CACNA1D: variants seen among roughly 807,000 people sequenced by gnomAD.
CACNA1D encodes voltage-dependent L-type calcium channel subunit alpha-1D.
In CACNA1D, 55 loss-of-function variants were observed where a neutral mutation model predicts 257.1. The ratio of observed to expected loss-of-function variants is 0.21; its 90% CI spans 0.17 to 0.27. The LOEUF (loss-of-function observed/expected upper bound fraction) is 0.27, where lower values mean the gene tolerates loss of function less well. CACNA1D is among the 10% of genes least tolerant of loss of function. The pLI is 1.00. For missense variants in CACNA1D, 1,876 were observed against 2,784.0 expected (o/e 0.67, Z 7.34); for synonymous variants, 980 against 1,014.9 (o/e 0.97, Z 0.65).
chr3:53,796,590 A>T (rs1469462556), intron 40 of CACNA1D, among the ~76,000 whole-genome samples: 4 of 152,224 alleles, frequency 2.6e-5, no homozygotes, highest in African/African-American at 9.6e-5. Flanking sequence ...GGGTGTTCAT[A>T]TTTGATGTCA....
chr3:53,608,322 T>G (rs1370870334), intron 3 of CACNA1D, among the ~76,000 whole-genome samples: 1 of 152,238 alleles, frequency 6.6e-6, no homozygotes, highest in Non-Finnish European at 1.5e-5. Context: ...AAGCAGCTTT[T>G]GTATATTGAC....
rs1266098055 is a variant in CACNA1D, at chr3:53,495,118, G to GC, written c.-46dup. On this transcript the variant is annotated 5_prime_UTR_variant, in exon 1 of 48. Transcript: ENST00000350061. The surrounding 1 kb of genome is among the most constrained non-coding windows in gnomAD (Gnocchi z 5.1). ...TTCCCCATTCCGCCCCCGCCTCAAC[G>GC]CCCAGCACAGTGCCCTGCACACAGT... 1 of 800,072 alleles carries GC rather than the reference G, an allele frequency of 1.2e-6. No homozygotes were observed. Among genetic ancestry groups the GC allele is most frequent in the Admixed American group, 2.0e-5 (1 of 49,224 alleles). The allele number at this position is 800,072 out of a possible 1,614,324, so 49.6% of individuals were successfully genotyped here.
intron 8 of CACNA1D, among the ~76,000 whole-genome samples, chr3:53,678,431 G>A (rs2094396790): frequency 6.6e-6 from 1 of 152,092 alleles, no homozygotes; most frequent in South Asian, 2.1e-4. Context: ...TATTCTTGGT[G>A]TTCTAGTAAG....
intron 9 of CACNA1D, among the ~76,000 whole-genome samples, chr3:53,712,928 C>T (rs1559555115): frequency 6.6e-6 from 1 of 152,172 alleles, no homozygotes; most frequent in African/African-American, 2.4e-5. Flanking sequence ...GCAAGCCTTC[C>T]CTTCGGGGTG....
chr3:53,640,142 G>A (rs985079655), intron 3 of CACNA1D, among the ~76,000 whole-genome samples: 8 of 152,100 alleles, frequency 5.3e-5, no homozygotes, highest in East Asian at 1.9e-4. Context: ...GTTTACAGCC[G>A]TGAGCCACTG....
At chr3:53,780,579 G>T (rs1411766328) in intron 38 of CACNA1D, among the ~76,000 whole-genome samples, 1 of 152,230 alleles carries the variant, frequency 6.6e-6, no homozygotes, top group Non-Finnish European at 1.5e-5. Context: ...GTCTGCAAAA[G>T]CTCCTTTGCA....
At chr3:53,594,071 G>T (rs924483329) in intron 3 of CACNA1D, among the ~76,000 whole-genome samples, 1 of 152,218 alleles carries the variant, frequency 6.6e-6, no homozygotes, top group South Asian at 2.1e-4. Flanking sequence ...GTCTGACAAG[G>T]AGTCTGTGAG....
At chr3:53,682,385 A>C (rs1034628603) in intron 8 of CACNA1D, among the ~76,000 whole-genome samples, 13 of 147,980 alleles carry the variant, frequency 8.8e-5, no homozygotes, top group Middle Eastern at 7.0e-3. Flanking sequence ...AAAAAAAAAA[A>C]AAAAAAAAAA....
chr3:53,719,768 A>G lies in CACNA1D; in HGVS notation c.1492A>G (p.Lys498Glu), dbSNP rs1333911973. The part of the protein sequence containing the change: ...CCGSLCQAIS[K>E]SKLSRRWRRW... ...TCTTTCTTTCAGTCAAGCCATCTCA[A>G]AATCCAAACTCAGGTCAGTATCTTC... Residue 498 changes from lysine (K) to glutamate (E), a missense_variant, in exon 11 of 48, where the codon AAA (lysine) becomes GAA (glutamate). Physicochemically the swap from Lys to Glu is moderately conservative, Grantham distance 56. Transcript: ENST00000350061. 1 of 1,613,914 alleles carries G rather than the reference A, an allele frequency of 6.2e-7. No individual in the cohort carries two copies. The highest frequency in any genetic ancestry group is 8.5e-7 in the Non-Finnish European group (1 of 1,179,896).
chr3:53,752,869 G>A (rs910802863), intron 28 of CACNA1D, among the ~76,000 whole-genome samples: 7 of 152,222 alleles, frequency 4.6e-5, no homozygotes, highest in Non-Finnish European at 8.8e-5. Flanking sequence ...TCCAGTGGGG[G>A]CAAGAAATGC....
Position 53,808,633 on chromosome 3 carries a change from C to T in CACNA1D, c.5750-16C>T, listed in dbSNP as rs2106883483. The T allele has an allele frequency of 1.2e-6, 2 of 1,605,650 alleles. No individual in the cohort carries two copies. The highest frequency in any genetic ancestry group is 4.5e-5 in the East Asian group (2 of 44,866). On this transcript the variant is annotated splice_polypyrimidine_tract_variant and intron_variant, in intron 45 of 47. Transcript: ENST00000350061. ...GAACTTGCTTCACAGCTGTGTGATG[C>T]CCTTTGCTTTCCCAGCCCACCGGAG...
chr3:53,722,532 A>C (rs1312157186), intron 12 of CACNA1D, 58 bp downstream of exon 12: 1 of 1,546,902 alleles, frequency 6.5e-7, no homozygotes, highest in African/African-American at 1.4e-5. Context: ...TGGCTGTCCA[A>C]CTGCCATTTG....
At chr3:53,747,469 G>T in intron 26 of CACNA1D, 21 bp downstream of exon 26, 2 of 1,613,716 alleles carry the variant, frequency 1.2e-6, no homozygotes, top group South Asian at 1.1e-5. Flanking sequence ...GGAGCACACA[G>T]TCTTCTGGAG....
At chr3:53,521,635 G>C (rs1042826800) in intron 3 of CACNA1D, among the ~76,000 whole-genome samples, 4 of 152,154 alleles carry the variant, frequency 2.6e-5, no homozygotes, top group Non-Finnish European at 5.9e-5. Context: ...TGTAGGGAAA[G>C]ATAATTGGTA....
At chr3:53,633,481 G>A (rs1239472177) in intron 3 of CACNA1D, among the ~76,000 whole-genome samples, 1 of 152,162 alleles carries the variant, frequency 6.6e-6, no homozygotes, top group Non-Finnish European at 1.5e-5. Flanking sequence ...CTGAGTTAGA[G>A]AAGAGCAAAG....
At chr3:53,661,620 GAGCAAATAACAGGAC>G (rs1371527888) in intron 5 of CACNA1D, among the ~76,000 whole-genome samples, 1 of 152,124 alleles carries the variant, frequency 6.6e-6, no homozygotes, top group Non-Finnish European at 1.5e-5. Context: ...TTCCCCCAAA[GAGCAAATAACAGGAC>G]AGCCTGTCTA....
At chr3:53,726,692 A>G (rs192147697) in intron 14 of CACNA1D, among the ~76,000 whole-genome samples, 187 bp from the exon 15 acceptor site, 26 of 152,326 alleles carry the variant, frequency 1.7e-4, no homozygotes, top group Admixed American at 8.5e-4. Context: ...CACTCAAAGA[A>G]TTATCTATTT....
chr3:53,744,890 C>G lies in CACNA1D; in HGVS notation c.3006+63C>G, dbSNP rs1576534237. 1.0e-5 allele frequency: 9 copies of G among 898,192 alleles called. No homozygotes were observed. The East Asian group carries it at 2.2e-4, about 22-fold the overall frequency. The allele number at this position is 898,192 out of a possible 1,614,324, so 55.6% of individuals were successfully genotyped here. ...TTGGGGTTGGCTGTAATTACTGGCT[C>G]TTCTGGGCAGAGCTGAGCTGAGGCC... is the stretch of plus-strand genomic sequence containing the variant. On this transcript the variant is annotated intron_variant, in intron 23 of 47. Transcript: ENST00000350061.
At chr3:53,696,856 G>A (rs1392918514) in intron 8 of CACNA1D, among the ~76,000 whole-genome samples, 1 of 152,194 alleles carries the variant, frequency 6.6e-6, no homozygotes, top group African/African-American at 2.4e-5. Context: ...GCAGGCAGAA[G>A]CATCTGACCT....
Sources: gnomAD v4.1 joint callset for allele counts (sites outside exome capture counted in the v4.1 genomes callset) on GRCh38, gnomAD v4.1.1 for gene constraint, Gnocchi (gnomAD v3.1) non-coding constraint, MANE v1.5 for transcripts, NCBI Gene and HGNC (gene_info 2026-07-23, HGNC 2026-07-21) for gene names.